The following ZC3H12B variants were observed in gnomAD, a reference collection of about 807,000 sequenced individuals.
ZC3H12B encodes zinc finger CCCH-type containing 12B, also known as probable ribonuclease ZC3H12B.
A neutral mutation model predicts 43.9 loss-of-function variants in ZC3H12B; 7 were observed. That is an observed-to-expected ratio of 0.16 (90% CI 0.09 to 0.30). The LOEUF (loss-of-function observed/expected upper bound fraction) is 0.30. Among genes scored for constraint, ZC3H12B ranks in the 10% least tolerant of loss-of-function variants. ZC3H12B has a pLI of 1.00. For synonymous variants in ZC3H12B, 222 were observed against 241.7 expected (o/e 0.92, Z 0.76); for missense variants, 475 against 670.2 (o/e 0.71, Z 3.22).
At chrX:65,472,829 T>G (rs1206464333) in intron 3 of ZC3H12B, among the ~76,000 whole-genome samples, 20 of 74,149 alleles carry the variant, frequency 2.7e-4, no homozygotes, top group African/African-American at 1.7e-3. Context: ...ACCTTTGATA[T>G]ATATATATAT....
At chrX:65,082,618 T>C in the ZC3H12B span, among the ~76,000 whole-genome samples, 1 of 110,886 alleles carries the variant, frequency 9.0e-6, no homozygotes, top group Non-Finnish European at 1.9e-5. Context: ...GAAGCTGTAA[T>C]AACAAGTCTA....
the ZC3H12B span, among the ~76,000 whole-genome samples, chrX:65,169,379 T>C: frequency 1.8e-5 from 2 of 112,294 alleles, no homozygotes; most frequent in East Asian, 5.6e-4. Flanking sequence ...TCTAGTTTGA[T>C]TGCACTGTGG....
At chrX:65,365,941 C>A (rs2066169991), upstream of ZC3H12B, among the ~76,000 whole-genome samples, 1 of 109,728 alleles carries the variant, frequency 9.1e-6, no homozygotes, top group Non-Finnish European at 1.9e-5. Context: ...CCCTCCTGCA[C>A]CCAGGGGAAA....
At chrX:65,203,189 G>T in the ZC3H12B span, among the ~76,000 whole-genome samples, 1 of 112,123 alleles carries the variant, frequency 8.9e-6, no homozygotes, top group Non-Finnish European at 1.9e-5. Flanking sequence ...AGGAGCCAAG[G>T]CTTAAAACTG....
the ZC3H12B span, among the ~76,000 whole-genome samples, chrX:65,179,615 A>G: frequency 9.0e-6 from 1 of 110,923 alleles, no homozygotes; most frequent in Admixed American, 9.7e-5. Context: ...TAAAGAAGAA[A>G]AGGGAGAAGA....
intron 3 of ZC3H12B, among the ~76,000 whole-genome samples, chrX:65,482,545 G>T (rs2068076468): frequency 8.9e-6 from 1 of 112,050 alleles, no homozygotes; most frequent in Admixed American, 9.5e-5. Flanking sequence ...AATTTGAAAT[G>T]ATCTTTTCCT....
the ZC3H12B span, among the ~76,000 whole-genome samples, chrX:65,335,077 C>T: frequency 8.9e-6 from 1 of 111,807 alleles, no homozygotes; most frequent in Non-Finnish European, 1.9e-5. Flanking sequence ...AGTTATTATA[C>T]ATGAAAGCAC....
the ZC3H12B span, among the ~76,000 whole-genome samples, chrX:65,160,471 C>G: frequency 9.0e-6 from 1 of 111,619 alleles, no homozygotes; most frequent in Non-Finnish European, 1.9e-5. Context: ...GATTCAACTT[C>G]TTTGTGGTTT....
the ZC3H12B span, among the ~76,000 whole-genome samples, chrX:65,310,409 A>G: frequency 9.0e-6 from 1 of 111,673 alleles, no homozygotes. Flanking sequence ...CAATCGCCAT[A>G]AAGAGAATAA....
upstream of ZC3H12B, among the ~76,000 whole-genome samples, chrX:65,487,811 T>C (rs2068145412): frequency 8.9e-6 from 1 of 112,305 alleles, no homozygotes; most frequent in East Asian, 2.8e-4. Context: ...GTCTCCCTAG[T>C]AGATGGGGTT....
the ZC3H12B span, among the ~76,000 whole-genome samples, chrX:65,063,414 A>G: frequency 8.9e-6 from 1 of 112,107 alleles, no homozygotes; most frequent in Non-Finnish European, 1.9e-5. Flanking sequence ...ATCTGTTGAG[A>G]TAATCATGAG....
At chrX:65,081,700 C>A in the ZC3H12B span, among the ~76,000 whole-genome samples, 122 of 111,546 alleles carry the variant, frequency 1.1e-3, no homozygotes, top group Admixed American at 5.6e-3. Context: ...CTTCAACACC[C>A]CACTTCCAGC....
chrX:65,405,481 G>A (rs1458271955), intron 3 of ZC3H12B, among the ~76,000 whole-genome samples: 1 of 110,859 alleles, frequency 9.0e-6, no homozygotes, highest in Non-Finnish European at 1.9e-5. Context: ...TTAGCCAGGC[G>A]TGGTGACAGG....
intron 2 of ZC3H12B, among the ~76,000 whole-genome samples, chrX:65,384,033 G>A (rs1164247405): frequency 2.0e-5 from 2 of 98,700 alleles, no homozygotes; most frequent in African/African-American, 7.3e-5. Context: ...ATACCCAAAG[G>A]ACTATAAATC....
At chrX:65,128,014 G>C in the ZC3H12B span, among the ~76,000 whole-genome samples, 1 of 111,910 alleles carries the variant, frequency 8.9e-6, no homozygotes, top group Non-Finnish European at 1.9e-5. Flanking sequence ...GCCTGTAGCA[G>C]TGACCTAGTT....
the ZC3H12B span, among the ~76,000 whole-genome samples, chrX:65,100,566 CAAAAAAAAAA>C: frequency 0.02 from 91 of 4,515 alleles, no homozygotes; most frequent in South Asian, 0.048. Flanking sequence ...AAAGATAAAG[CAAAAAAAAAA>C]AAAAAAAAAA....
chrX:65,135,378 T>A, the ZC3H12B span, among the ~76,000 whole-genome samples: 1 of 110,525 alleles, frequency 9.0e-6, no homozygotes, highest in African/African-American at 3.3e-5. Flanking sequence ...AAAGTCCAAA[T>A]TTTATTTTTT....
At chrX:65,459,097 C>A (rs2067686561) in intron 3 of ZC3H12B, among the ~76,000 whole-genome samples, 1 of 111,932 alleles carries the variant, frequency 8.9e-6, no homozygotes, top group African/African-American at 3.2e-5. Context: ...GAAAATAAAG[C>A]AGAAAATCTA....
At chrX:65,368,655 G>A (rs993085228) in intron 1 of ZC3H12B, among the ~76,000 whole-genome samples, 174 bp from the exon 4 acceptor site, 4 of 111,822 alleles carry the variant, frequency 3.6e-5, no homozygotes, top group South Asian at 3.7e-4. Flanking sequence ...CTACATCTTG[G>A]ATTAGCACAA....
Sources: allele counts gnomAD v4.1 joint callset (sites outside exome capture counted in the v4.1 genomes callset), GRCh38; gene constraint gnomAD v4.1.1; transcripts MANE v1.5; gene names NCBI Gene and HGNC (gene_info 2026-07-23, HGNC 2026-07-21).